Variants in PLEC observed in about 807,000 individuals in gnomAD.
PLEC encodes the protein plectin, also known as hemidesmosomal protein 1.
In PLEC, 216 loss-of-function variants were observed where a neutral mutation model predicts 392.8. The observed-to-expected ratio is 0.55, with a 90% CI of 0.49 to 0.62. The LOEUF (loss-of-function observed/expected upper bound fraction) is 0.62. Ranked by LOEUF, PLEC falls within the 20% of genes least tolerant of loss-of-function variation. The pLI is 0.00. For synonymous variants in PLEC, 3,621 were observed against 2,980.6 expected (o/e 1.21, Z -7.00); for missense variants, 6,863 against 6,563.4 (o/e 1.05, Z -1.58).
intron 25 of PLEC, among the ~76,000 whole-genome samples, chr8:143,928,271 G>A (rs1473052184): frequency 1.3e-5 from 2 of 152,252 alleles, no homozygotes; most frequent in African/African-American, 2.4e-5. Flanking sequence ...GACAGGACGA[G>A]CCCACTGGCT....
upstream of PLEC, among the ~76,000 whole-genome samples, chr8:143,953,065 G>A (rs1480919727): frequency 7.0e-6 from 1 of 143,772 alleles, no homozygotes; most frequent in African/African-American, 2.6e-5. Flanking sequence ...CTGCGCCAGG[G>A]TCCAGGCGTC....
chr8:143,926,903 T>C, intron 29 of PLEC, 21 bp from the exon 30 acceptor site: 2 of 1,608,974 alleles, frequency 1.2e-6, no homozygotes, highest in Non-Finnish European at 1.7e-6. Context: ...GAGCCAGGGT[T>C]AGCCCTGCGA....
chr8:143,916,897 C>A lies in PLEC; in HGVS notation c.12924G>T (p.Gly4308=). Residue 4308 remains glycine, a synonymous_variant, in exon 32 of 32, where the codon GGG becomes GGT. Coordinates refer to ENST00000345136, the MANE Select transcript of PLEC (RefSeq NM_201384.3). ...MHRNLVDNIT[G]QRLLEAQACT... ...AGGCCTGCGCCTCCAGCAGCCGCTG[C>A]CCCGTGATGTTATCCACCAGGTTCC... 2.5e-6 allele frequency: 4 copies of A among 1,612,632 alleles called. No individual in the cohort carries two copies. Among genetic ancestry groups the A allele is most frequent in the Non-Finnish European group, 3.4e-6 (4 of 1,179,772 alleles).
At position 143,920,118 on chromosome 8, in the gene PLEC, C is replaced by T. The variant is rs373873935; in HGVS notation, c.9703G>A (p.Glu3235Lys). The T allele has an allele frequency of 7.6e-5, 123 of 1,613,014 alleles. No individual in the cohort carries two copies. Among genetic ancestry groups the T allele is most frequent in the Non-Finnish European group, 9.4e-5 (111 of 1,180,044 alleles). The change falls in exon 32 of 32, where the codon GAA becomes AAA. Residue 3235 changes from glutamate (E) to lysine (K), a missense_variant. Glu to Lys is a moderately conservative substitution (Grantham distance 56). Coordinates refer to ENST00000345136, the MANE Select transcript of PLEC (RefSeq NM_201384.3). ...YSELQARETFEKTPVEVPVGG... is the reference protein window; with the variant it reads ...YSELQARETFKKTPVEVPVGG... ...ACGGGGACCTCAACCGGGGTCTTTTCAAAGGTCTCACGGGCCTGCAGCTCT... is the reference window on the plus strand; with the variant it reads ...ACGGGGACCTCAACCGGGGTCTTTTTAAAGGTCTCACGGGCCTGCAGCTCT...
intron 6 of PLEC, 94 bp downstream of exon 6, chr8:143,935,754 C>A: frequency 7.2e-7 from 1 of 1,383,754 alleles, no homozygotes; most frequent in Non-Finnish European, 1.0e-6. Context: ...GTTCCTCCTG[C>A]CCTCCTCCCT....
At chr8:143,930,098 C>A (rs782656317) in intron 21 of PLEC, 36 bp from the exon 22 acceptor site, 94 of 1,602,556 alleles carry the variant, frequency 5.9e-5, no homozygotes, top group Admixed American at 2.7e-4. Flanking sequence ...GTCACCAGCG[C>A]CCCACCCGCC....
chr8:143,943,912 G>C, upstream of PLEC: 2 of 1,608,488 alleles, frequency 1.2e-6, no homozygotes, highest in East Asian at 2.2e-5. Flanking sequence ...GGAGCCGCCA[G>C]GGCTGCCCTT....
Position 143,934,712 on chromosome 8 carries a change from G to A in PLEC, c.964C>T (p.Leu322=). The A allele has an allele frequency of 1.2e-6, 2 of 1,612,660 alleles. No individual in the cohort carries two copies. The highest frequency in any genetic ancestry group is 1.1e-5 in the South Asian group (1 of 91,092). ...EEIEILWSQF[L]KFKEMELPAK... Reference sequence around the variant, plus strand: ...GGTAGCTCCATCTCCTTAAACTTCAGGAACTGAGACCACAGGATCTGCCAG... The same window carrying A: ...GGTAGCTCCATCTCCTTAAACTTCAAGAACTGAGACCACAGGATCTGCCAG... Residue 322 remains leucine (L), a synonymous_variant, in exon 10 of 32, where the codon CTG becomes TTG. Coordinates refer to ENST00000345136, the MANE Select transcript of PLEC (RefSeq NM_201384.3).
Position 143,925,059 on chromosome 8 carries a change from G to A in PLEC, c.4870C>T (p.Arg1624Cys), listed in dbSNP as rs782663079. The A allele has an allele frequency of 3.8e-5, 59 of 1,542,424 alleles. No individual in the cohort carries two copies. The highest frequency in any genetic ancestry group is 8.2e-5 in the South Asian group (7 of 85,018). ...AQQQAEAERA[R>C]EEAERELERW... ...TCCAGCTCCCGCTCTGCCTCCTCGC[G>A]CGCCCGCTCGGCCTCGGCCTGCTGC... Residue 1624 changes from arginine (R) to cysteine (C), a missense_variant, in exon 31 of 32, where the codon CGC becomes TGC. Coordinates refer to ENST00000345136, the MANE Select transcript of PLEC (RefSeq NM_201384.3).
Position 143,938,609 on chromosome 8 carries a change from C to G in PLEC, c.174+22G>C, listed in dbSNP as rs7823393. On this transcript the variant is annotated intron_variant, in intron 2 of 31. Transcript: ENST00000345136. ...TCCCACAGCCTCAGCCCCTGTGACACGCACCAGCATGCGCCACCAACCTTG... is the reference window on the plus strand; with the variant it reads ...TCCCACAGCCTCAGCCCCTGTGACAGGCACCAGCATGCGCCACCAACCTTG... 590,713 of 1,610,558 alleles carry G rather than the reference C, an allele frequency of 0.37. 113,874 individuals carry two copies. Among genetic ancestry groups the G allele is most frequent in the Non-Finnish European group, 0.4 (465,451 of 1,177,088 alleles).
upstream of PLEC, among the ~76,000 whole-genome samples, chr8:143,943,358 CT>C (rs1383380048): frequency 3.3e-5 from 5 of 152,364 alleles, no homozygotes; most frequent in African/African-American, 9.6e-5. Flanking sequence ...CCCCCGCCCC[CT>C]GTGCGGCCCG....
chr8:143,920,740 C>T lies in PLEC; in HGVS notation c.9081G>A (p.Ala3027=), dbSNP rs199758196. ...GCCCCGCCTCCTCCAGCCATACACC[C>T]GCGATGACGTTGGCACCCCGGAGAG... is the stretch of plus-strand genomic sequence containing the variant. ...RRALRGANVI[A]GVWLEEAGQK... Residue 3027 remains alanine, a synonymous_variant, in exon 32 of 32, where the codon GCG becomes GCA. Transcript: ENST00000345136. The T allele has an allele frequency of 1.4e-3, 2,217 of 1,604,640 alleles. 3 individuals carry two copies. Among genetic ancestry groups the T allele is most frequent in the Non-Finnish European group, 1.7e-3 (2,028 of 1,179,918 alleles).
rs1297479093 is a variant in PLEC at position 143,919,005 on chromosome 8, C to T, written c.10816G>A (p.Ala3606Thr). ...IPEEQRAQLM[A>T]DFQAGRVTKE... Reference sequence around the variant, plus strand: ...GTCACCCGGCCGGCCTGGAAGTCAGCCATCAGCTGGGCCCGCTGCTCCTCG... The same window carrying T: ...GTCACCCGGCCGGCCTGGAAGTCAGTCATCAGCTGGGCCCGCTGCTCCTCG... Residue 3606 changes from alanine (A) to threonine (T), a missense_variant, in exon 32 of 32, where the codon GCT becomes ACT. Physicochemically the swap from Ala to Thr is moderately conservative, Grantham distance 58. Transcript: ENST00000345136. 1 of 1,611,318 alleles carries T rather than the reference C, an allele frequency of 6.2e-7. No individual in the cohort carries two copies. Among genetic ancestry groups the T allele is most frequent in the Non-Finnish European group, 8.5e-7 (1 of 1,180,012 alleles).
At chr8:143,952,601 T>C (rs967858229), upstream of PLEC, among the ~76,000 whole-genome samples, 1 of 149,236 alleles carries the variant, frequency 6.7e-6, no homozygotes, top group African/African-American at 2.5e-5. Flanking sequence ...GCCGACCGCA[T>C]CTTCCTGGCC....
Position 143,933,076 on chromosome 8 carries a change from C to T in PLEC, c.1454G>A (p.Arg485His), listed in dbSNP as rs200328762. 18 of 1,589,426 alleles carry T rather than the reference C, an allele frequency of 1.1e-5. No homozygotes were observed. The highest frequency in any genetic ancestry group is 4.0e-5 in the African/African-American group (3 of 74,494). Residue 485 changes from arginine to histidine, a missense_variant, in exon 14 of 32, where the codon CGC (arginine) becomes CAC (histidine). Physicochemically the swap from Arg to His is conservative, Grantham distance 29 (BLOSUM62 0). Coordinates refer to ENST00000345136, the MANE Select transcript of PLEC (RefSeq NM_201384.3). The part of the protein sequence containing the change: ...YRLHERLVAI[R>H]TEYNLRLKAG... ...CTTCAGCCGTAGGTTGTACTCGGTG[C>T]GGATGGCTACCAGGCGCTCGTGCAG...
At chr8:143,950,914 C>T, upstream of PLEC, 1 of 1,095,632 alleles carries the variant, frequency 9.1e-7, no homozygotes, top group Non-Finnish European at 1.2e-6. Context: ...TCCGTGCAAT[C>T]CCTGCCGGCA....
At position 143,921,148 on chromosome 8, in the gene PLEC, G is replaced by C. The variant is rs782370134; in HGVS notation, c.8673C>G (p.Gly2891=). Residue 2891 remains glycine (G), a synonymous_variant, in exon 32 of 32, where the codon GGC becomes GGG. Coordinates refer to ENST00000345136, the MANE Select transcript of PLEC (RefSeq NM_201384.3). ...LLPLTDKAAK[G]GELVYTDSEA... is the part of the protein sequence containing the mutation. ...CGGAGTCAGTGTAGACCAGCTCCCC[G>C]CCCTTGGCAGCCTTATCCGTGAGTG... 4.3e-6 allele frequency: 7 copies of C among 1,613,288 alleles called. No homozygotes were observed. The African/African-American group carries it at 5.3e-5, about 12-fold the overall frequency.
At position 143,922,296 on chromosome 8, in the gene PLEC, T is replaced by A. The variant is rs1823084730; in HGVS notation, c.7525A>T (p.Ile2509Phe). Residue 2509 changes from isoleucine (I) to phenylalanine (F), a missense_variant, in exon 32 of 32, where the codon ATC becomes TTC. Transcript: ENST00000345136. ...KDSLLQRERF[I>F]EQEKAKLEQL... ...TCCAGCTTGGCCTTCTCCTGCTCGA[T>A]GAAGCGCTCCCGCTGTAGCAGGCTG... 1 of 1,607,578 alleles carries A rather than the reference T, an allele frequency of 6.2e-7. No homozygotes were observed. Among genetic ancestry groups the A allele is most frequent in the South Asian group, 1.1e-5 (1 of 90,946 alleles).
At chr8:143,929,010 C>T in intron 25 of PLEC, 93 bp downstream of exon 25, 4 of 1,177,618 alleles carry the variant, frequency 3.4e-6, no homozygotes, top group Admixed American at 4.0e-5. Flanking sequence ...GCCCCCAACT[C>T]GTTCCCTCCT....
Sources: allele counts gnomAD v4.1 joint callset (sites outside exome capture counted in the v4.1 genomes callset), GRCh38; gene constraint gnomAD v4.1.1; transcripts MANE v1.5; gene names NCBI Gene and HGNC (gene_info 2026-07-23, HGNC 2026-07-21).